The following TMCO4 variants were observed in gnomAD, a reference collection of about 807,000 sequenced individuals.
TMCO4 encodes the protein transmembrane and coiled-coil domain-containing protein 4.
In TMCO4, 58 loss-of-function variants were observed where a neutral mutation model predicts 64.7. The observed-to-expected ratio is 0.90, with a 90% confidence interval of 0.73 to 1.12. The LOEUF (loss-of-function observed/expected upper bound fraction) is 1.12. Among genes scored for constraint, TMCO4 ranks in the 50% most tolerant of loss-of-function variants. The probability of loss-of-function intolerance (pLI) is 0.00; values close to 1 mark genes in which losing one functional copy is unlikely to be tolerated. For synonymous variants in TMCO4, 325 were observed against 346.1 expected, an observed-to-expected ratio of 0.94 and a Z score of 0.68; for missense variants, 780 against 825.9, an observed-to-expected ratio of 0.94 and a Z score of 0.68.
chr1:19,728,324 C>T (rs1365504642), intron 13 of TMCO4, among the ~76,000 whole-genome samples: 1 of 152,232 alleles, frequency 6.6e-6, no homozygotes, highest in Non-Finnish European at 1.5e-5. Context: ...GGAGGCAGAA[C>T]TACTGGCCCC....
At chr1:19,698,400 T>G (rs1177692180) in intron 14 of TMCO4, among the ~76,000 whole-genome samples, 1 of 152,226 alleles carries the variant, frequency 6.6e-6, no homozygotes, top group Non-Finnish European at 1.5e-5. Flanking sequence ...CTTGCCCCTT[T>G]TTGAGTTTCA....
At chr1:19,696,298 C>G (rs139632489) in intron 14 of TMCO4, among the ~76,000 whole-genome samples, 8 of 152,202 alleles carry the variant, frequency 5.3e-5, no homozygotes, top group Admixed American at 3.3e-4. Context: ...GCCTGTAATC[C>G]CAGCATTTTG....
intron 13 of TMCO4, among the ~76,000 whole-genome samples, chr1:19,717,160 TG>T: frequency 6.6e-6 from 1 of 152,340 alleles, no homozygotes; most frequent in South Asian, 2.1e-4. Flanking sequence ...CACTCCAGCC[TG>T]GGCAACATGA....
At chr1:19,770,956 A>C (rs2042953583) in intron 5 of TMCO4, among the ~76,000 whole-genome samples, 1 of 152,186 alleles carries the variant, frequency 6.6e-6, no homozygotes, top group Non-Finnish European at 1.5e-5. Context: ...ACCAAGGTTC[A>C]AATCCTGGCT....
intron 14 of TMCO4, among the ~76,000 whole-genome samples, chr1:19,700,000 A>G (rs2095261240): frequency 6.6e-6 from 1 of 152,144 alleles, no homozygotes; most frequent in South Asian, 2.1e-4. Flanking sequence ...CTTCCAAATC[A>G]AGAGCCTTAA....
intron 4 of TMCO4, among the ~76,000 whole-genome samples, chr1:19,777,831 C>T (rs10799836): frequency 0.26 from 39,919 of 152,062 alleles, 5,488 homozygotes; most frequent in East Asian, 0.41. Context: ...GATGGGAGGA[C>T]TGCTTGAGGC....
At chr1:19,696,334 G>A (rs959940287) in intron 14 of TMCO4, among the ~76,000 whole-genome samples, 5 of 152,124 alleles carry the variant, frequency 3.3e-5, no homozygotes, top group Non-Finnish European at 5.9e-5. Flanking sequence ...AGGATTGCTC[G>A]GGCCCAGGCA....
At chr1:19,715,852 T>C (rs1480917138) in intron 13 of TMCO4, among the ~76,000 whole-genome samples, 1 of 152,328 alleles carries the variant, frequency 6.6e-6, no homozygotes, top group Middle Eastern at 3.4e-3. Context: ...AAGAGCTTCC[T>C]ACAATGCCAT....
chr1:19,688,468 TTC>T (rs1301330437), intron 15 of TMCO4, among the ~76,000 whole-genome samples: 1 of 152,174 alleles, frequency 6.6e-6, no homozygotes, highest in African/African-American at 2.4e-5. Context: ...CCCCTTTGGG[TTC>T]TTTCACTTCT....
chr1:19,764,836 C>G (rs2042661307), intron 6 of TMCO4, among the ~76,000 whole-genome samples: 1 of 108,302 alleles, frequency 9.2e-6, no homozygotes, highest in Non-Finnish European at 1.7e-5. Context: ...GAGTGAAACT[C>G]TGTCTCAAAA....
rs996244614 is a variant in TMCO4 at position 19,682,982 on chromosome 1, G to T, written c.*58C>A. 1.3e-6 allele frequency: 2 copies of T among 1,522,458 alleles called. No homozygotes were observed. Among genetic ancestry groups the T allele is most frequent in the Non-Finnish European group, 1.8e-6 (2 of 1,137,696 alleles). The allele number at this position is 1,522,458 out of a possible 1,614,324, so 94.3% of individuals were successfully genotyped here. ...CAGAGCTCCTGGGAGGAACCCGAGGGTATAAGAGAGAGCTGCATATGGAGA... is the reference window on the plus strand; with the variant it reads ...CAGAGCTCCTGGGAGGAACCCGAGGTTATAAGAGAGAGCTGCATATGGAGA... On this transcript the variant is annotated 3_prime_UTR_variant, in exon 16 of 16. Coordinates refer to ENST00000294543, the MANE Select transcript of TMCO4 (RefSeq NM_181719.7).
At chr1:19,746,309 G>A in intron 9 of TMCO4, 147 bp downstream of exon 9, 1 of 1,229,746 alleles carries the variant, frequency 8.1e-7, no homozygotes, top group South Asian at 1.4e-5. Flanking sequence ...GCGAGCTCTG[G>A]GAAGGCTGGG....
At chr1:19,797,956 G>GAAA (rs2044406863) in intron 2 of TMCO4, 181 bp downstream of exon 2, 25 of 121,864 alleles carry the variant, frequency 2.1e-4, no homozygotes, top group African/African-American at 8.8e-4. Context: ...GAGAAAGAGA[G>GAAA]AGAAAAGAAA....
At position 19,745,570 on chromosome 1, in the gene TMCO4, G is replaced by GT; in HGVS notation, c.838dup (p.Thr280AsnfsTer28). 1 of 1,614,170 alleles carries GT rather than the reference G, an allele frequency of 6.2e-7. No homozygotes were observed. Among genetic ancestry groups the GT allele is most frequent in the Non-Finnish European group, 8.5e-7 (1 of 1,180,024 alleles). On this transcript the variant is annotated frameshift_variant, in exon 10 of 16. Transcript: ENST00000294543. LOFTEE classifies it high-confidence loss of function. ...AGCGAGCCACCCCGTGACGGCGATG[G>GT]TGATGTGCAGCTGCCTGCCCTCCGT...
intron 13 of TMCO4, among the ~76,000 whole-genome samples, chr1:19,711,105 C>T (rs191494914): frequency 1.3e-4 from 20 of 152,348 alleles, no homozygotes; most frequent in Non-Finnish European, 2.6e-4. Flanking sequence ...TGCTGGTAAG[C>T]TGCAGGCGGT....
Position 19,743,847 on chromosome 1 carries a change from G to C in TMCO4, c.877+1685C>G, listed in dbSNP as rs2041643849. 6.6e-6 allele frequency among the ~76,000 whole-genome samples: 1 copy of C among 152,186 alleles called. No individual in the cohort carries two copies. Among genetic ancestry groups the C allele is most frequent in the Non-Finnish European group, 1.5e-5 (1 of 68,036 alleles). On this transcript the variant is annotated intron_variant, in intron 10 of 15. Coordinates refer to ENST00000294543, the MANE Select transcript of TMCO4 (RefSeq NM_181719.7). This position sits in a 1 kb window ranked among gnomAD's most constrained non-coding sequence, Gnocchi z 4.1. ...TTCCTCTTCCAACAGATCAGGGTCAGAACAGCCCCACCTTGGAGGGTGGAA... is the reference window on the plus strand; with the variant it reads ...TTCCTCTTCCAACAGATCAGGGTCACAACAGCCCCACCTTGGAGGGTGGAA...
intron 12 of TMCO4, 41 bp from the exon 13 acceptor site, chr1:19,737,497 C>T (rs1379267287): frequency 6.9e-6 from 11 of 1,592,826 alleles, no homozygotes; most frequent in East Asian, 2.2e-5. Context: ...AGGAATACTG[C>T]CAGTTCTAGC....
At chr1:19,702,314 C>G (rs1229987580) in intron 13 of TMCO4, among the ~76,000 whole-genome samples, 1 of 144,256 alleles carries the variant, frequency 6.9e-6, no homozygotes, top group Non-Finnish European at 1.5e-5. Flanking sequence ...AGTCAGGGCC[C>G]GGCACAGTCG....
At chr1:19,787,701 T>C (rs1441722443) in intron 2 of TMCO4, among the ~76,000 whole-genome samples, 1 of 152,170 alleles carries the variant, frequency 6.6e-6, no homozygotes, top group East Asian at 1.9e-4. Flanking sequence ...AAACCAAAAC[T>C]TCAAAACCAA....
Sources: gnomAD v4.1 joint callset for allele counts (sites outside exome capture counted in the v4.1 genomes callset) on GRCh38, gnomAD v4.1.1 for gene constraint, Gnocchi (gnomAD v3.1) non-coding constraint, MANE v1.5 for transcripts, NCBI Gene and HGNC (gene_info 2026-07-23, HGNC 2026-07-21) for gene names.